C6orf132: variants seen among roughly 807,000 people sequenced by gnomAD.
C6orf132 encodes the protein uncharacterized protein C6orf132.
C6orf132 carries 43 observed loss-of-function variants against 65.3 expected under a neutral mutation model. That is an observed-to-expected ratio of 0.66 (90% CI 0.52 to 0.85). C6orf132 has a LOEUF of 0.85. Ranked by LOEUF, C6orf132 falls within the 40% of genes least tolerant of loss-of-function variation. C6orf132 has a pLI of 0.00. For missense variants in C6orf132, 1,488 were observed against 1,548.8 expected, an observed-to-expected ratio of 0.96 and a Z score of 0.66; for synonymous variants, 631 against 654.1, an observed-to-expected ratio of 0.96 and a Z score of 0.54.
At chr6:42,134,666 C>A (rs61334440) in intron 1 of C6orf132, among the ~76,000 whole-genome samples, 1 of 150,806 alleles carries the variant, frequency 6.6e-6, no homozygotes, top group Non-Finnish European at 1.5e-5. Flanking sequence ...CCCAGCTACT[C>A]GAGAGGCTGA....
Position 42,107,383 on chromosome 6 carries a change from G to T in C6orf132, c.529C>A (p.Leu177Met). 3 of 970,528 alleles carry T rather than the reference G, an allele frequency of 3.1e-6. No individual in the cohort carries two copies. Among genetic ancestry groups the T allele is most frequent in the Non-Finnish European group, 4.5e-6 (3 of 667,200 alleles). 60.1% of individuals were successfully genotyped at this position (970,528 alleles called of 1,614,324 possible). A position where few individuals can be genotyped will look rare whatever the true frequency, so the allele number is the denominator to read the frequency against. The change falls in exon 4 of 5, where the codon CTG (leucine) becomes ATG (methionine). Residue 177 changes from leucine to methionine, a missense_variant. By Grantham distance (15) the Leu-to-Met change is conservative. Transcript: ENST00000341865. The stretch of plus-strand genomic sequence containing the variant: ...CTGGGCGGGGGTGGGGGTTCCAGCA[G>T]CAGGGGAGGTGGTGGGGGTGCTGTG... ...PSTAPPPPPL[L>M]LEPPPPPSMA...
chr6:42,106,082 G>A lies in C6orf132; in HGVS notation c.1830C>T (p.Leu610=). Residue 610 remains leucine, a synonymous_variant, in exon 4 of 5, where the codon CTC becomes CTT. Coordinates refer to ENST00000341865, the MANE Select transcript of C6orf132 (RefSeq NM_001164446.3). ...GCAGATTCTTGGCCACAGGCTTGGAGAGTTTGTCATCATCAGCCCCGTTTT... is the reference window on the plus strand; with the variant it reads ...GCAGATTCTTGGCCACAGGCTTGGAAAGTTTGTCATCATCAGCCCCGTTTT... ...ICENGADDDK[L]SKPVAKNLPP... 1 of 1,537,262 alleles carries A rather than the reference G, an allele frequency of 6.5e-7. No individual in the cohort carries two copies. Among genetic ancestry groups the A allele is most frequent in the Non-Finnish European group, 8.7e-7 (1 of 1,146,910 alleles).
Position 42,107,282 on chromosome 6 carries a change from G to A in C6orf132, c.630C>T (p.Thr210=), listed in dbSNP as rs1302299286. ...PHTLSSPSIP[T]PPDFIPPAPP... is the part of the protein sequence containing the mutation. ...GGGCAGGGGGAATGAAGTCAGGAGGGGTGGGTATGGATGGGGAGGAAAGAG... is the reference window on the plus strand; with the variant it reads ...GGGCAGGGGGAATGAAGTCAGGAGGAGTGGGTATGGATGGGGAGGAAAGAG... Residue 210 remains threonine, a synonymous_variant, in exon 4 of 5, where the codon ACC becomes ACT. Transcript: ENST00000341865. 9 of 1,351,478 alleles carry A rather than the reference G, an allele frequency of 6.7e-6. No homozygotes were observed. In the East Asian group the frequency reaches 2.4e-4, roughly 36 times the overall value. The allele number at this position is 1,351,478 out of a possible 1,614,324, so 83.7% of individuals were successfully genotyped here.
At chr6:42,108,730 C>T (rs1017227572) in intron 3 of C6orf132, among the ~76,000 whole-genome samples, 3 of 152,204 alleles carry the variant, frequency 2.0e-5, no homozygotes, top group East Asian at 3.8e-4. Context: ...GCACATCCCT[C>T]TCTTGTCCTC....
At chr6:42,119,986 C>A (rs997574389) in intron 2 of C6orf132, among the ~76,000 whole-genome samples, 1 of 151,638 alleles carries the variant, frequency 6.6e-6, no homozygotes, top group Non-Finnish European at 1.5e-5. Flanking sequence ...CCTAGCTACT[C>A]AGGAGGCTGA....
chr6:42,107,051 G>C lies in C6orf132; in HGVS notation c.861C>G (p.Ala287=). ...GATGGGGCTCTGGGTTAGGTCCCAG[G>C]GCGCTCCCCTTTGGCTCAGCAGGGC... is the stretch of plus-strand genomic sequence containing the variant. The part of the protein sequence containing the change: ...PRSPAEPKGS[A]LGPNPEPHLT... The change falls in exon 4 of 5, where the codon GCC becomes GCG. Residue 287 remains alanine (A), a synonymous_variant. Transcript: ENST00000341865. The C allele has an allele frequency of 6.6e-7, 1 of 1,509,678 alleles. No homozygotes were observed. Among genetic ancestry groups the C allele is most frequent in the African/African-American group, 1.4e-5 (1 of 71,452 alleles). The allele number at this position is 1,509,678 out of a possible 1,614,324, so 93.5% of individuals were successfully genotyped here.
At chr6:42,108,199 C>T (rs183991730) in intron 3 of C6orf132, among the ~76,000 whole-genome samples, 58 of 152,332 alleles carry the variant, frequency 3.8e-4, no homozygotes, top group South Asian at 1.2e-3. Flanking sequence ...CAAATCCCAG[C>T]TCTACCACTT....
intron 2 of C6orf132, among the ~76,000 whole-genome samples, chr6:42,115,214 C>G (rs1231500729): frequency 6.8e-6 from 1 of 147,546 alleles, no homozygotes; most frequent in African/African-American, 2.5e-5. Flanking sequence ...CACTTGAACC[C>G]GGGAGGCAGA....
At chr6:42,129,867 T>G (rs1766825188) in intron 1 of C6orf132, among the ~76,000 whole-genome samples, 1 of 152,200 alleles carries the variant, frequency 6.6e-6, no homozygotes, top group Non-Finnish European at 1.5e-5. Flanking sequence ...ACTGGGACAT[T>G]GAGCTAATCA....
intron 1 of C6orf132, among the ~76,000 whole-genome samples, chr6:42,138,450 C>T (rs1322118636): frequency 7.2e-5 from 11 of 152,174 alleles, no homozygotes; most frequent in Non-Finnish European, 1.2e-4. Flanking sequence ...TGCCACCAAG[C>T]CTGGCAAATT....
intron 1 of C6orf132, 37 bp downstream of exon 1, chr6:42,142,263 T>A (rs745618415): frequency 6.5e-7 from 1 of 1,537,362 alleles, no homozygotes; most frequent in East Asian, 2.5e-5. Flanking sequence ...GCGCCCTCCG[T>A]CCCCGCCCCA....
chr6:42,120,154 C>T (rs1766657687), intron 2 of C6orf132, among the ~76,000 whole-genome samples: 1 of 151,902 alleles, frequency 6.6e-6, no homozygotes, highest in Non-Finnish European at 1.5e-5. Flanking sequence ...TGGAAAGTTC[C>T]CAGCAATGAT....
At chr6:42,138,044 C>A (rs961908040) in intron 1 of C6orf132, among the ~76,000 whole-genome samples, 2 of 152,136 alleles carry the variant, frequency 1.3e-5, no homozygotes, top group Non-Finnish European at 2.9e-5. Context: ...GGCAACGGAT[C>A]GAGACTCCGT....
chr6:42,134,708 A>AGGTT (rs1766911068), intron 1 of C6orf132, among the ~76,000 whole-genome samples: 1 of 141,400 alleles, frequency 7.1e-6, no homozygotes, highest in South Asian at 2.5e-4. Flanking sequence ...GGGGAGGCAG[A>AGGTT]GGTTGCAGTG....
intron 2 of C6orf132, among the ~76,000 whole-genome samples, chr6:42,127,902 AT>A (rs1263645711): frequency 1.3e-5 from 2 of 151,712 alleles, no homozygotes; most frequent in Admixed American, 1.3e-4. Context: ...TATTTTTTAT[AT>A]TGATTAAATG....
chr6:42,105,624 C>T lies in C6orf132; in HGVS notation c.2288G>A (p.Gly763Glu), dbSNP rs1273671193. Residue 763 changes from glycine to glutamate, a missense_variant, in exon 4 of 5, where the codon GGA becomes GAA. Gly to Glu is a moderately conservative substitution (Grantham distance 98, BLOSUM62 -2). Coordinates refer to ENST00000341865, the MANE Select transcript of C6orf132 (RefSeq NM_001164446.3). ...AFPPKTSPGG[G>E]EVPCLYKPHC... ...GGGCTTGTAGAGACATGGCACCTCT[C>T]CTCCACCAGGAGATGTCTTTGGTGG... 1.3e-6 allele frequency: 2 copies of T among 1,537,112 alleles called. No individual in the cohort carries two copies. Among genetic ancestry groups the T allele is most frequent in the African/African-American group, 1.4e-5 (1 of 73,186 alleles).
chr6:42,114,720 T>C (rs539392102), intron 2 of C6orf132, among the ~76,000 whole-genome samples: 3 of 152,114 alleles, frequency 2.0e-5, no homozygotes, highest in Non-Finnish European at 4.4e-5. Flanking sequence ...GAAGAGGGCT[T>C]GAGGCAGGGC....
intron 1 of C6orf132, among the ~76,000 whole-genome samples, chr6:42,139,054 G>A (rs184992890): frequency 8.5e-5 from 13 of 152,324 alleles, no homozygotes; most frequent in Non-Finnish European, 1.6e-4. Flanking sequence ...GCTGTACCCA[G>A]CCTACCCTTG....
At chr6:42,128,625 C>T (rs1008431927) in intron 2 of C6orf132, 47 bp downstream of exon 2, 2 of 1,459,158 alleles carry the variant, frequency 1.4e-6, no homozygotes, top group Non-Finnish European at 1.9e-6. Flanking sequence ...GCCTTGGTGT[C>T]CCCAGCCAGA....
Sources: gnomAD v4.1 joint callset for allele counts (sites outside exome capture counted in the v4.1 genomes callset) on GRCh38, gnomAD v4.1.1 for gene constraint, MANE v1.5 for transcripts, NCBI Gene and HGNC (gene_info 2026-07-23, HGNC 2026-07-21) for gene names.